Variants in GRID1 observed in about 807,000 individuals in gnomAD.
The protein encoded by GRID1 is glutamate ionotropic receptor delta type subunit 1.
A neutral mutation model predicts 98.0 loss-of-function variants in GRID1; 28 were observed. The ratio of observed to expected loss-of-function variants is 0.29; its 90% confidence interval spans 0.21 to 0.39. The LOEUF is 0.39. GRID1 is among the 10% of genes least tolerant of loss of function. GRID1 has a pLI of 1.00. For synonymous variants in GRID1, 553 were observed against 538.5 expected, an observed-to-expected ratio of 1.03 and a Z score of -0.37; for missense variants, 1,111 against 1,340.5, an observed-to-expected ratio of 0.83 and a Z score of 2.67.
intron 1 of GRID1, among the ~76,000 whole-genome samples, chr10:86,364,842 G>C (rs1337675746): frequency 6.6e-6 from 1 of 152,284 alleles, no homozygotes; most frequent in African/African-American, 2.4e-5. Flanking sequence ...TGCTCTTGAA[G>C]GGCTTTCTAG....
chr10:86,341,510 C>G (rs191852297), intron 2 of GRID1, among the ~76,000 whole-genome samples: 2 of 152,324 alleles, frequency 1.3e-5, no homozygotes. Flanking sequence ...CATCCTCCCC[C>G]ACAGGGCTCC....
intron 8 of GRID1, among the ~76,000 whole-genome samples, chr10:85,812,863 TATAC>T (rs1842684941): frequency 6.6e-6 from 1 of 151,884 alleles, no homozygotes; most frequent in Non-Finnish European, 1.5e-5. Context: ...ATTATATATA[TATAC>T]ACACACATAT....
intron 13 of GRID1, among the ~76,000 whole-genome samples, chr10:85,633,974 T>A (rs532097668): frequency 6.6e-6 from 1 of 152,040 alleles, no homozygotes; most frequent in South Asian, 2.1e-4. Flanking sequence ...GAGTTCAAGA[T>A]CAGCCTGACT....
chr10:86,138,164 G>A (rs557469129), intron 4 of GRID1, among the ~76,000 whole-genome samples: 117 of 152,246 alleles, frequency 7.7e-4, no homozygotes, highest in South Asian at 2.1e-3. Flanking sequence ...CTGGGCCAGC[G>A]CCAATCAGCC....
Position 86,265,974 on chromosome 10 carries a change from C to A in GRID1, c.236-59326G>T, listed in dbSNP as rs372069634. On this transcript the variant is annotated intron_variant, in intron 2 of 15. Transcript: ENST00000327946. Reference sequence around the variant, plus strand: ...CACCCATGCCCACCATTCACCTCCCCCTTCAGCCCTCTGAGATCCAGGGGT... The same window carrying A: ...CACCCATGCCCACCATTCACCTCCCACTTCAGCCCTCTGAGATCCAGGGGT... Among the ~76,000 whole-genome samples the A allele has an allele frequency of 7.9e-5, 12 of 152,124 alleles. No homozygotes were observed. In the East Asian group the frequency reaches 2.1e-3, roughly 27 times the overall value.
Position 85,822,184 on chromosome 10 carries a change from A to C in GRID1, c.1233+32312T>G, listed in dbSNP as rs1157696757. ...ATGGCAACAAAAGCCAAAATTGACA[A>C]ATGGGATCTAATTAAACTAAAGAGC... On this transcript the variant is annotated intron_variant, in intron 8 of 15. Coordinates refer to ENST00000327946, the MANE Select transcript of GRID1 (RefSeq NM_017551.3). Among the ~76,000 whole-genome samples, 4 of 152,088 alleles carry C rather than the reference A, an allele frequency of 2.6e-5. No individual in the cohort carries two copies. In the East Asian group the frequency reaches 7.7e-4, roughly 29 times the overall value.
chr10:86,270,964 G>A (rs1315078555), intron 2 of GRID1, among the ~76,000 whole-genome samples: 3 of 152,196 alleles, frequency 2.0e-5, no homozygotes, highest in Admixed American at 1.3e-4. Context: ...CAGATGTCCT[G>A]AGTTGCAGAT....
At chr10:86,068,936 C>A (rs1843757999) in intron 4 of GRID1, among the ~76,000 whole-genome samples, 3 of 152,050 alleles carry the variant, frequency 2.0e-5, no homozygotes, top group Admixed American at 2.0e-4. Context: ...CTCCAATCAC[C>A]CCCTGCCCAG....
At chr10:85,845,716 A>G (rs1842999301) in intron 8 of GRID1, among the ~76,000 whole-genome samples, 1 of 152,158 alleles carries the variant, frequency 6.6e-6, no homozygotes, top group African/African-American at 2.4e-5. Context: ...CTATCTTTTC[A>G]ATGGCAGTCG....
chr10:86,318,668 G>A (rs528220020), intron 2 of GRID1, among the ~76,000 whole-genome samples: 1 of 152,356 alleles, frequency 6.6e-6, no homozygotes, highest in East Asian at 1.9e-4. Context: ...CAGCAGGGAA[G>A]AGGAACTCAC....
intron 2 of GRID1, among the ~76,000 whole-genome samples, chr10:86,340,430 G>A (rs1330921059): frequency 6.6e-6 from 1 of 152,180 alleles, no homozygotes; most frequent in Non-Finnish European, 1.5e-5. Flanking sequence ...GTCATGACCT[G>A]CCACCCAGAG....
intron 3 of GRID1, among the ~76,000 whole-genome samples, chr10:86,162,011 C>T (rs935386823): frequency 6.6e-6 from 1 of 152,188 alleles, no homozygotes; most frequent in Non-Finnish European, 1.5e-5. Flanking sequence ...CCAGGGAGGG[C>T]TCCTGGCAGC....
intron 4 of GRID1, among the ~76,000 whole-genome samples, chr10:86,045,452 C>A (rs932025269): frequency 3.9e-5 from 6 of 152,110 alleles, no homozygotes; most frequent in Non-Finnish European, 8.8e-5. Context: ...AGCGAGACTG[C>A]GATTTTCCTT....
At position 85,643,100 on chromosome 10, in the gene GRID1, A is replaced by G. The variant is rs1298887256; in HGVS notation, c.2193+4102T>C. 2.6e-5 allele frequency among the ~76,000 whole-genome samples: 4 copies of G among 152,186 alleles called. No homozygotes were observed. The East Asian group carries it at 5.8e-4, about 22-fold the overall frequency. ...CCCAAGGAGAAAATAACAGCATACC[A>G]TCCATACCAACCTCCTTGACTTTTG... On this transcript the variant is annotated intron_variant, in intron 13 of 15. Transcript: ENST00000327946.
intron 4 of GRID1, among the ~76,000 whole-genome samples, chr10:86,002,439 T>C (rs921874002): frequency 3.9e-5 from 6 of 152,236 alleles, no homozygotes; most frequent in Non-Finnish European, 8.8e-5. Flanking sequence ...CACCTCTTTA[T>C]GAAGTTTTCA....
chr10:85,769,220 C>A (rs571278850), intron 8 of GRID1, among the ~76,000 whole-genome samples: 56 of 152,312 alleles, frequency 3.7e-4, no homozygotes, highest in Non-Finnish European at 6.9e-4. Flanking sequence ...AACATGGGTG[C>A]AGCTGGAGGC....
intron 3 of GRID1, among the ~76,000 whole-genome samples, chr10:86,200,136 A>G (rs1451885902): frequency 6.6e-6 from 1 of 151,920 alleles, no homozygotes; most frequent in African/African-American, 2.4e-5. Flanking sequence ...CACTCTTCCT[A>G]CAGCCCTCAG....
intron 2 of GRID1, among the ~76,000 whole-genome samples, chr10:86,326,586 C>A (rs1381859178): frequency 1.3e-5 from 2 of 152,146 alleles, no homozygotes; most frequent in African/African-American, 4.8e-5. Context: ...CATAGAGAGA[C>A]CAAAGAGCAT....
At chr10:85,909,850 GTA>G (rs1328302954) in intron 5 of GRID1, among the ~76,000 whole-genome samples, 2 of 152,090 alleles carry the variant, frequency 1.3e-5, no homozygotes, top group African/African-American at 4.8e-5. Context: ...GGTTTCCTGG[GTA>G]TATACATATG....
Sources: allele counts gnomAD v4.1 joint callset (sites outside exome capture counted in the v4.1 genomes callset), GRCh38; gene constraint gnomAD v4.1.1; transcripts MANE v1.5; gene names NCBI Gene and HGNC (gene_info 2026-07-23, HGNC 2026-07-21).